Variants in ASMTL observed in about 807,000 individuals in gnomAD.
ASMTL encodes the protein acetylserotonin O-methyltransferase like, also known as probable bifunctional dTTP/UTP pyrophosphatase/methyltransferase protein.
Under a neutral mutation model 60.3 loss-of-function variants are expected in ASMTL, and 57 were observed. The ratio of observed to expected loss-of-function variants is 0.95; its 90% CI spans 0.76 to 1.18. The LOEUF (loss-of-function observed/expected upper bound fraction) is 1.18, where lower values mean the gene tolerates loss of function less well. Ranked by LOEUF, ASMTL falls within the 50% of genes most tolerant of loss-of-function variation. The probability of loss-of-function intolerance (pLI) is 0.00; values close to 1 mark genes in which losing one functional copy is unlikely to be tolerated. For synonymous variants in ASMTL, 419 were observed against 373.0 expected (o/e 1.12, Z -1.42); for missense variants, 981 against 852.6 (o/e 1.15, Z -1.88).
At chrX:1,410,644 C>T (rs2089975460) in intron 12 of ASMTL, among the ~76,000 whole-genome samples, 1 of 152,018 alleles carries the variant, frequency 6.6e-6, no homozygotes, top group South Asian at 2.1e-4. Flanking sequence ...GAACTCCTGA[C>T]CTCGAGATCT....
At chrX:1,448,496 T>G (rs2091279708) in intron 1 of ASMTL, among the ~76,000 whole-genome samples, 1 of 151,090 alleles carries the variant, frequency 6.6e-6, no homozygotes, top group Non-Finnish European at 1.5e-5. Context: ...ACTGCCATCT[T>G]GGATAAGCAC....
intron 7 of ASMTL, 145 bp downstream of exon 7, chrX:1,427,589 A>T: frequency 2.3e-6 from 2 of 856,808 alleles, no homozygotes; most frequent in Non-Finnish European, 3.6e-6. Flanking sequence ...ACCCTCTCCT[A>T]GAACCTTCGG....
At chrX:1,437,966 G>A (rs1423102801) in intron 3 of ASMTL, among the ~76,000 whole-genome samples, 4 of 150,754 alleles carry the variant, frequency 2.7e-5, no homozygotes, top group African/African-American at 4.9e-5. Context: ...ATTAGGATGC[G>A]CATTTTATGA....
At chrX:1,411,988 T>A (rs5949001) in intron 12 of ASMTL, among the ~76,000 whole-genome samples, 1 of 151,386 alleles carries the variant, frequency 6.6e-6, no homozygotes, top group Non-Finnish European at 1.5e-5. Flanking sequence ...ATTTTTTGTG[T>A]TTGTTTTTAA....
At chrX:1,413,069 G>T (rs5949007) in intron 11 of ASMTL, 18 of 585,218 alleles carry the variant, frequency 3.1e-5, no homozygotes, top group South Asian at 1.9e-4. Flanking sequence ...GGTTTGACTC[G>T]GGCTGAGAAA....
rs768100655 is a variant in ASMTL, at chrX:1,403,468, T to TA, written c.1666_1667insT (p.Glu556ValfsTer6). On this transcript the variant is annotated frameshift_variant, in exon 13 of 13. Coordinates refer to ENST00000381317, the MANE Select transcript of ASMTL (RefSeq NM_004192.4). LOFTEE classifies it low-confidence loss of function (END_TRUNC). ...CCTCTTCTCCTCATCCAGGAGCGTC[T>TA]CCACCAGCAGCAGGCCGGCCCCTGA... 3 of 1,613,006 alleles carry TA rather than the reference T, an allele frequency of 1.9e-6. No homozygotes were observed. Among genetic ancestry groups the TA allele is most frequent in the Non-Finnish European group, 2.5e-6 (3 of 1,179,852 alleles).
At chrX:1,411,546 T>G (rs1300108311) in intron 12 of ASMTL, among the ~76,000 whole-genome samples, 2 of 151,236 alleles carry the variant, frequency 1.3e-5, no homozygotes, top group African/African-American at 4.9e-5. Flanking sequence ...AAACCTGATG[T>G]GAAGGCTTTG....
chrX:1,448,250 GCAC>G (rs2091272672), intron 1 of ASMTL, among the ~76,000 whole-genome samples: 1 of 142,736 alleles, frequency 7.0e-6, no homozygotes, highest in African/African-American at 2.6e-5. Context: ...TCTTGGATAA[GCAC>G]CACCATCTTG....
rs745862259 is a variant in ASMTL, at chrX:1,417,859, C to T, written c.1522+114G>A. ...ACAGTCCCATTTGCACACACATACCCACCATGGAAACGCCCAGGCAGAAAC... is the reference window on the plus strand; with the variant it reads ...ACAGTCCCATTTGCACACACATACCTACCATGGAAACGCCCAGGCAGAAAC... On this transcript the variant is annotated intron_variant, in intron 11 of 12. Coordinates refer to ENST00000381317, the MANE Select transcript of ASMTL (RefSeq NM_004192.4). 46 of 1,369,098 alleles carry T rather than the reference C, an allele frequency of 3.4e-5. 1 individual carries two copies. Among genetic ancestry groups the T allele is most frequent in the Admixed American group, 1.0e-4 (4 of 40,158 alleles). The allele number at this position is 1,369,098 out of a possible 1,614,324, so 84.8% of individuals were successfully genotyped here.
chrX:1,426,426 C>T (rs1208345296), intron 7 of ASMTL, among the ~76,000 whole-genome samples: 1 of 152,158 alleles, frequency 6.6e-6, no homozygotes, highest in Non-Finnish European at 1.5e-5. Flanking sequence ...CTCCCAAAGC[C>T]TGCGTCCCTC....
At chrX:1,407,517 TGGTAGATGATGGGTA>T (rs1318352461) in intron 12 of ASMTL, among the ~76,000 whole-genome samples, 4 of 151,942 alleles carry the variant, frequency 2.6e-5, no homozygotes, top group South Asian at 2.1e-4. Flanking sequence ...GGTGAATATA[TGGTAGATGATGGGTA>T]GGTAGATGAT....
Position 1,439,174 on chromosome X carries a change from G to A in ASMTL, c.226-30C>T, listed in dbSNP as rs754138193. ...AAGAAAACCAGATTCCGGTTTACCG[G>A]TGACGTGCCGTGGGTCTCACAGAGA... On this transcript the variant is annotated intron_variant, in intron 2 of 12. Transcript: ENST00000381317. 8 of 1,612,222 alleles carry A rather than the reference G, an allele frequency of 5.0e-6. No individual in the cohort carries two copies. The East Asian group carries it at 6.7e-5, about 13-fold the overall frequency.
intron 2 of ASMTL, among the ~76,000 whole-genome samples, chrX:1,440,807 A>G (rs1257776250): frequency 4.6e-5 from 7 of 152,208 alleles, no homozygotes; most frequent in African/African-American, 1.7e-4. Flanking sequence ...ATATAGTAAC[A>G]GATAAATGAC....
chrX:1,440,915 A>T (rs1307296887), intron 2 of ASMTL, among the ~76,000 whole-genome samples: 1 of 152,196 alleles, frequency 6.6e-6, no homozygotes, highest in East Asian at 1.9e-4. Context: ...ACACATAGTA[A>T]TGGATGTTAA....
chrX:1,431,174 TG>T (rs2090770029), intron 6 of ASMTL, among the ~76,000 whole-genome samples: 1 of 125,260 alleles, frequency 8.0e-6, no homozygotes, highest in African/African-American at 3.3e-5. Flanking sequence ...TTTATATAAT[TG>T]TTTATAATTA....
rs1186545565 is a variant in ASMTL, at chrX:1,443,481, A to G, written c.94-1164T>C. On this transcript the variant is annotated intron_variant, in intron 1 of 12. Coordinates refer to ENST00000381317, the MANE Select transcript of ASMTL (RefSeq NM_004192.4). ...GGACACACACCACCATCGTGGACAC[A>G]TGCCGCCATCTTGGCCATCATGGAC... is the stretch of plus-strand genomic sequence containing the variant. Among the ~76,000 whole-genome samples the G allele has an allele frequency of 2.7e-5, 4 of 150,128 alleles. No individual in the cohort carries two copies. In the South Asian group the frequency reaches 6.3e-4, roughly 24 times the overall value.
At chrX:1,443,140 C>CGCCGCCGTCGTGGACACAT (rs2091146798) in intron 1 of ASMTL, among the ~76,000 whole-genome samples, 9 of 139,398 alleles carry the variant, frequency 6.5e-5, no homozygotes, top group South Asian at 2.3e-4. Context: ...CGTGGACACA[C>CGCCGCCGTCGTGGACACAT]GCCGCCATCT....
At position 1,418,967 on chromosome X, in the gene ASMTL, G is replaced by T. The variant is rs377326245; in HGVS notation, c.1378+15C>A. ...AAACGAAAGTAAGGAGAGCCCTGGC[G>T]GGGGGGCCACCCACCTCCCACGTCG... On this transcript the variant is annotated intron_variant, in intron 10 of 12. Coordinates refer to ENST00000381317, the MANE Select transcript of ASMTL (RefSeq NM_004192.4). The T allele has an allele frequency of 2.5e-6, 4 of 1,601,846 alleles. No individual in the cohort carries two copies. Among genetic ancestry groups the T allele is most frequent in the Admixed American group, 1.7e-5 (1 of 59,598 alleles).
intron 1 of ASMTL, among the ~76,000 whole-genome samples, chrX:1,442,555 C>T (rs2091132312): frequency 6.6e-6 from 1 of 151,954 alleles, no homozygotes. Flanking sequence ...CAGGGACTGA[C>T]CAGGGGCCTT....
Sources: gnomAD v4.1 joint callset for allele counts (sites outside exome capture counted in the v4.1 genomes callset) on GRCh38, gnomAD v4.1.1 for gene constraint, MANE v1.5 for transcripts, NCBI Gene and HGNC (gene_info 2026-07-23, HGNC 2026-07-21) for gene names.